Variants in NELL1 observed in about 807,000 individuals in gnomAD.
NELL1 encodes the protein neural EGFL like 1.
Under a neutral mutation model 107.4 loss-of-function variants are expected in NELL1, and 76 were observed. The observed-to-expected ratio is 0.71, with a 90% CI of 0.59 to 0.86. The LOEUF (loss-of-function observed/expected upper bound fraction) is 0.86, where lower values mean the gene tolerates loss of function less well. Among genes scored for constraint, NELL1 ranks in the 40% least tolerant of loss-of-function variants. NELL1 has a pLI of 0.00. For missense variants in NELL1, 1,024 were observed against 1,005.5 expected (o/e 1.02, Z -0.25); for synonymous variants, 353 against 341.2 (o/e 1.03, Z -0.38).
intron 15 of NELL1, among the ~76,000 whole-genome samples, chr11:21,422,245 TA>T (rs1852697348): frequency 6.6e-6 from 1 of 151,982 alleles, no homozygotes; most frequent in South Asian, 2.1e-4. Flanking sequence ...CATGATGAAA[TA>T]AAAATATACT....
intron 2 of NELL1, among the ~76,000 whole-genome samples, chr11:20,739,011 C>T (rs775285923): frequency 2.6e-5 from 4 of 152,182 alleles, no homozygotes; most frequent in Non-Finnish European, 5.9e-5. Context: ...TTGCCGCAAG[C>T]TACATGTGGC....
chr11:21,263,629 T>C (rs1848577864), intron 14 of NELL1, among the ~76,000 whole-genome samples: 1 of 151,962 alleles, frequency 6.6e-6, no homozygotes, highest in African/African-American at 2.4e-5. Context: ...CTGGGCAGAA[T>C]GGGAAGAGGA....
intron 14 of NELL1, among the ~76,000 whole-genome samples, chr11:21,325,008 A>AT (rs1004844453): frequency 1.5e-4 from 22 of 151,666 alleles, no homozygotes; most frequent in African/African-American, 2.7e-4. Context: ...TTTGTATTTT[A>AT]TTTTTTGCAA....
chr11:21,345,716 T>G (rs1423671671), intron 14 of NELL1, among the ~76,000 whole-genome samples: 1 of 152,188 alleles, frequency 6.6e-6, no homozygotes, highest in Non-Finnish European at 1.5e-5. Context: ...ATAAATCATC[T>G]TCCTAAAGAT....
At chr11:21,468,870 T>A (rs1347699867) in intron 15 of NELL1, among the ~76,000 whole-genome samples, 2 of 152,046 alleles carry the variant, frequency 1.3e-5, no homozygotes, top group African/African-American at 4.8e-5. Context: ...CACTTAAGAA[T>A]GAGCCAAGGT....
intron 2 of NELL1, among the ~76,000 whole-genome samples, chr11:20,776,366 G>T (rs1856750067): frequency 6.6e-6 from 1 of 152,126 alleles, no homozygotes; most frequent in Non-Finnish European, 1.5e-5. Context: ...TTGAACCCGG[G>T]AGGTGGAGGT....
chr11:21,266,631 ATCT>A, intron 14 of NELL1, among the ~76,000 whole-genome samples: 1 of 151,932 alleles, frequency 6.6e-6, no homozygotes, highest in Middle Eastern at 3.4e-3. Context: ...TTATCTTGTC[ATCT>A]TCTTTTGACA....
intron 15 of NELL1, among the ~76,000 whole-genome samples, chr11:21,400,430 G>C (rs1483585693): frequency 6.6e-6 from 1 of 151,892 alleles, no homozygotes; most frequent in Non-Finnish European, 1.5e-5. Context: ...GAAACGCTAT[G>C]TGACAGCTTC....
rs1275138483 is a variant in NELL1, at chr11:20,978,709, C to T, written c.1300+18149C>T. Among the ~76,000 whole-genome samples the T allele has an allele frequency of 7.2e-5, 11 of 152,240 alleles. No individual in the cohort carries two copies. In the South Asian group the frequency reaches 2.1e-3, roughly 29 times the overall value. Reference sequence around the variant, plus strand: ...AATTTAGCAGAATACTTAACCTGGCCCTGTCTGTAATAAACCTGTCCTTAG... The same window carrying T: ...AATTTAGCAGAATACTTAACCTGGCTCTGTCTGTAATAAACCTGTCCTTAG... On this transcript the variant is annotated intron_variant, in intron 12 of 19. Transcript: ENST00000357134.
intron 15 of NELL1, among the ~76,000 whole-genome samples, chr11:21,431,149 G>T (rs569699576): frequency 4.6e-5 from 7 of 152,050 alleles, no homozygotes; most frequent in African/African-American, 1.7e-4. Context: ...ACATCTACTT[G>T]GCTGATTTAC....
intron 13 of NELL1, among the ~76,000 whole-genome samples, chr11:21,159,066 T>C (rs975394212): frequency 1.3e-5 from 2 of 152,270 alleles, no homozygotes; most frequent in Middle Eastern, 3.4e-3. Flanking sequence ...GAGACCAAGA[T>C]CCTAACTCAA....
At chr11:20,671,314 C>G (rs1431442249) in intron 1 of NELL1, 1 of 152,250 alleles carries the variant, frequency 6.6e-6, no homozygotes, top group Non-Finnish European at 1.5e-5. Context: ...GGGCTACTGG[C>G]TCTGAGCGCG....
intron 12 of NELL1, among the ~76,000 whole-genome samples, chr11:21,066,939 G>A (rs1436554304): frequency 2.0e-5 from 3 of 151,434 alleles, no homozygotes; most frequent in Admixed American, 1.3e-4. Context: ...GAGCGACAGA[G>A]CGAGACTCCA....
intron 4 of NELL1, among the ~76,000 whole-genome samples, chr11:20,868,114 G>A (rs1049906527): frequency 2.6e-5 from 4 of 152,290 alleles, no homozygotes; most frequent in Non-Finnish European, 4.4e-5. Flanking sequence ...GAGAGCAGAT[G>A]TTTTTAAGGC....
At chr11:20,798,043 C>A (rs1857208470) in intron 3 of NELL1, among the ~76,000 whole-genome samples, 1 of 152,140 alleles carries the variant, frequency 6.6e-6, no homozygotes, top group African/African-American at 2.4e-5. Context: ...GAGATTCCAT[C>A]ATTTTTATCT....
chr11:21,109,286 A>G (rs1355542375), intron 12 of NELL1, among the ~76,000 whole-genome samples: 2 of 152,116 alleles, frequency 1.3e-5, no homozygotes, highest in African/African-American at 2.4e-5. Flanking sequence ...GGTACGTACT[A>G]TTAGACTCTT....
chr11:20,746,566 TCACACACACACACACACA>T (rs10556247), intron 2 of NELL1, among the ~76,000 whole-genome samples: 179 of 149,378 alleles, frequency 1.2e-3, no homozygotes, highest in African/African-American at 3.8e-3. Flanking sequence ...GTGACAGATT[TCACACACACACACACACA>T]CACACACACA....
At chr11:21,149,104 C>T (rs1856052747) in intron 13 of NELL1, among the ~76,000 whole-genome samples, 1 of 152,086 alleles carries the variant, frequency 6.6e-6, no homozygotes, top group African/African-American at 2.4e-5. Context: ...CAAAATATAA[C>T]CATATTATTG....
intron 13 of NELL1, among the ~76,000 whole-genome samples, chr11:21,129,136 AC>A (rs1855556258): frequency 6.6e-6 from 1 of 151,898 alleles, no homozygotes; most frequent in African/African-American, 2.4e-5. Flanking sequence ...TGTTTTCTTT[AC>A]CGTTTACATT....
Sources: allele counts gnomAD v4.1 joint callset (sites outside exome capture counted in the v4.1 genomes callset), GRCh38; gene constraint gnomAD v4.1.1; transcripts MANE v1.5; gene names NCBI Gene and HGNC (gene_info 2026-07-23, HGNC 2026-07-21).